The following KLRG2 variants were observed in gnomAD, a reference collection of about 807,000 sequenced individuals.
KLRG2 encodes the protein killer cell lectin like receptor G2.
In KLRG2, 39 loss-of-function variants were observed where a neutral mutation model predicts 35.4. The observed-to-expected ratio is 1.10, with a 90% CI of 0.85 to 1.44. KLRG2 has a LOEUF of 1.44. Among genes scored for constraint, KLRG2 ranks in the 40% most tolerant of loss-of-function variants. The pLI is 0.00. For missense variants in KLRG2, 632 were observed against 570.9 expected (o/e 1.11, Z -1.09); for synonymous variants, 283 against 265.8 (o/e 1.06, Z -0.63).
downstream of KLRG2, among the ~76,000 whole-genome samples, chr7:139,452,520 C>T (rs1796391419): frequency 1.3e-5 from 2 of 149,992 alleles, no homozygotes; most frequent in Admixed American, 1.3e-4. Flanking sequence ...TCCCAGACGG[C>T]CCATTACTGG....
At chr7:139,477,970 A>G (rs964210257) in intron 3 of KLRG2, among the ~76,000 whole-genome samples, 4 of 151,724 alleles carry the variant, frequency 2.6e-5, no homozygotes, top group Admixed American at 6.6e-5. Context: ...GTGTTAGCCA[A>G]GATGGTCTCG....
At chr7:139,475,260 G>A (rs921723763) in intron 3 of KLRG2, among the ~76,000 whole-genome samples, 2 of 152,084 alleles carry the variant, frequency 1.3e-5, no homozygotes, top group Non-Finnish European at 2.9e-5. Context: ...GGCTGGGCGC[G>A]GTGGCTCACG....
At chr7:139,455,586 G>A (rs1796463187) in intron 3 of KLRG2, among the ~76,000 whole-genome samples, 1 of 150,298 alleles carries the variant, frequency 6.7e-6, no homozygotes, top group Admixed American at 6.6e-5. Flanking sequence ...CTCTCAAAGT[G>A]CTGGGATTAC....
At chr7:139,451,518 T>C (rs1796375418), downstream of KLRG2, among the ~76,000 whole-genome samples, 1 of 151,906 alleles carries the variant, frequency 6.6e-6, no homozygotes, top group Non-Finnish European at 1.5e-5. Context: ...TTTTTTTTTT[T>C]GTTATAAAGC....
intron 3 of KLRG2, among the ~76,000 whole-genome samples, chr7:139,459,761 T>C (rs1381995828): frequency 6.6e-6 from 1 of 152,182 alleles, no homozygotes; most frequent in Non-Finnish European, 1.5e-5. Flanking sequence ...TCCAGATTTT[T>C]TTTTTTTGAG....
At chr7:139,454,620 G>A (rs182154384) in intron 3 of KLRG2, among the ~76,000 whole-genome samples, 13 of 151,478 alleles carry the variant, frequency 8.6e-5, no homozygotes, top group African/African-American at 2.7e-4. Context: ...GTTCGAGACC[G>A]GCCTGTCCAA....
At chr7:139,473,393 G>A (rs1281028863) in intron 3 of KLRG2, among the ~76,000 whole-genome samples, 1 of 152,186 alleles carries the variant, frequency 6.6e-6, no homozygotes, top group Admixed American at 6.5e-5. Context: ...TGACAGCTCA[G>A]CATCACTAAG....
In KLRG2 at chr7:139,483,230, C is replaced by A; in HGVS notation, c.413G>T (p.Gly138Val). 2 of 1,537,396 alleles carry A rather than the reference C, an allele frequency of 1.3e-6. No individual in the cohort carries two copies. The highest frequency in any genetic ancestry group is 1.7e-6 in the Non-Finnish European group (2 of 1,152,864). The change falls in exon 1 of 5, where the codon GGC becomes GTC. Residue 138 changes from glycine to valine, a missense_variant. Transcript: ENST00000340940. The part of the protein sequence containing the change: ...VRVKPVGAAG[G>V]SSTPSPRPST... ...GGGCCTGGGCGATGGCGTGCTGCTG[C>A]CACCGGCCGCGCCCACGGGCTTCAC...
the KLRG2 span, among the ~76,000 whole-genome samples, chr7:139,427,511 T>G: frequency 6.6e-6 from 1 of 152,212 alleles, no homozygotes; most frequent in African/African-American, 2.4e-5. Flanking sequence ...GGGAGACTGA[T>G]TCTTCAAGTC....
chr7:139,446,033 G>A, the KLRG2 span, among the ~76,000 whole-genome samples: 1 of 150,930 alleles, frequency 6.6e-6, no homozygotes, highest in Non-Finnish European at 1.5e-5. Context: ...AGGTTTCCAT[G>A]TTAGCCAGGC....
At chr7:139,469,133 C>T (rs1796715217) in intron 3 of KLRG2, among the ~76,000 whole-genome samples, 1 of 152,300 alleles carries the variant, frequency 6.6e-6, no homozygotes, top group Admixed American at 6.5e-5. Flanking sequence ...GCTATAGCAG[C>T]CCCAGTAAAC....
chr7:139,451,504 A>G (rs1027874734), downstream of KLRG2, among the ~76,000 whole-genome samples: 6 of 151,586 alleles, frequency 4.0e-5, no homozygotes, highest in African/African-American at 9.8e-5. Context: ...GCCTCAAAAA[A>G]AAATTTTTTT....
chr7:139,464,570 C>T (rs11764454), intron 3 of KLRG2, among the ~76,000 whole-genome samples: 291 of 152,280 alleles, frequency 1.9e-3, no homozygotes, highest in Non-Finnish European at 3.3e-3. Context: ...TCCCCACTCC[C>T]CTTTCCATTC....
chr7:139,445,956 C>T, the KLRG2 span, among the ~76,000 whole-genome samples: 2 of 151,228 alleles, frequency 1.3e-5, no homozygotes, highest in East Asian at 1.9e-4. Context: ...CTCAGCCTCC[C>T]GAGTAGCTGG....
the KLRG2 span, among the ~76,000 whole-genome samples, chr7:139,443,664 C>T: frequency 2.0e-5 from 3 of 151,812 alleles, no homozygotes; most frequent in South Asian, 2.1e-4. Flanking sequence ...CGGGTTCAAA[C>T]GATTCTCCTG....
chr7:139,441,965 C>CACTA, the KLRG2 span, among the ~76,000 whole-genome samples: 1 of 152,132 alleles, frequency 6.6e-6, no homozygotes, highest in Admixed American at 6.6e-5. Context: ...CACACCTTGG[C>CACTA]ACTAAGGAAA....
At chr7:139,482,786 C>T in intron 1 of KLRG2, 100 bp downstream of exon 1, 2 of 1,137,104 alleles carry the variant, frequency 1.8e-6, no homozygotes, top group Non-Finnish European at 2.3e-6. Flanking sequence ...GTCCCTTAGT[C>T]GGTCAGCTGC....
downstream of KLRG2, among the ~76,000 whole-genome samples, chr7:139,450,395 T>C (rs1384018913): frequency 1.3e-5 from 2 of 151,998 alleles, no homozygotes; most frequent in Non-Finnish European, 2.9e-5. Context: ...GGCTAATTTT[T>C]TGTATTTTCA....
At chr7:139,427,599 T>C in the KLRG2 span, among the ~76,000 whole-genome samples, 10 of 152,306 alleles carry the variant, frequency 6.6e-5, no homozygotes, top group South Asian at 2.1e-3. Flanking sequence ...GCTTAAACTC[T>C]GAAGGGACCT....
Sources: gnomAD v4.1 joint callset for allele counts (sites outside exome capture counted in the v4.1 genomes callset) on GRCh38, gnomAD v4.1.1 for gene constraint, MANE v1.5 for transcripts, NCBI Gene and HGNC (gene_info 2026-07-23, HGNC 2026-07-21) for gene names.